Variants in ARHGEF12 observed in about 807,000 individuals in gnomAD.
ARHGEF12 encodes the protein KMT2A/ARHGEF12 fusion protein.
Under a neutral mutation model 211.2 loss-of-function variants are expected in ARHGEF12, and 66 were observed. That is an observed-to-expected ratio of 0.31 (90% CI 0.26 to 0.38). ARHGEF12 has a LOEUF of 0.38. Among genes scored for constraint, ARHGEF12 ranks in the 10% least tolerant of loss-of-function variants. The pLI, the probability that ARHGEF12 is intolerant of heterozygous loss-of-function variation, is 1.00. For synonymous variants in ARHGEF12, 592 were observed against 638.4 expected (o/e 0.93, Z 1.09); for missense variants, 1,429 against 1,869.5 (o/e 0.76, Z 4.34).
intron 1 of ARHGEF12, among the ~76,000 whole-genome samples, chr11:120,383,856 T>C (rs1943950923): frequency 6.6e-6 from 1 of 152,000 alleles, no homozygotes; most frequent in Admixed American, 6.6e-5. Flanking sequence ...AAGATTTTGT[T>C]AGATATGTCA....
At chr11:120,483,676 A>C (rs1374379119) in intron 39 of ARHGEF12, among the ~76,000 whole-genome samples, 1 of 151,584 alleles carries the variant, frequency 6.6e-6, no homozygotes, top group African/African-American at 2.4e-5. Flanking sequence ...GTGCAGTGGC[A>C]TGATCTCTCC....
At chr11:120,480,703 T>C (rs1357796567) in intron 38 of ARHGEF12, among the ~76,000 whole-genome samples, 1 of 149,408 alleles carries the variant, frequency 6.7e-6, no homozygotes, top group African/African-American at 2.4e-5. Flanking sequence ...AGTAAACAAA[T>C]AAATAGACTT....
rs1946801164 is a variant in ARHGEF12 at position 120,469,292 on chromosome 11, G to A, written c.2859G>A (p.Trp953Ter). The A allele has an allele frequency of 6.2e-7, 1 of 1,610,572 alleles. No individual in the cohort carries two copies. The highest frequency in any genetic ancestry group is 1.1e-5 in the South Asian group (1 of 90,454). ...GGATTTCTTTCCCATATTTAGAATG[G>A]CCAACAGAAAGGGAGAAGGTGAAGA... ...LLDNIAKYTE[W>*]PTEREKVKKA... Residue 953 changes from tryptophan to a stop codon, truncating the protein, a stop_gained, in exon 30 of 41, where the codon TGG (tryptophan) becomes TGA (stop). Transcript: ENST00000397843. LOFTEE classifies it high-confidence loss of function.
At chr11:120,478,062 G>GTTT in intron 36 of ARHGEF12, 94 bp from the exon 37 acceptor site, 9 of 661,696 alleles carry the variant, frequency 1.4e-5, no homozygotes, top group South Asian at 6.5e-5. Flanking sequence ...TTTATGGATT[G>GTTT]TTTTTTTTTT....
intron 1 of ARHGEF12, among the ~76,000 whole-genome samples, chr11:120,343,715 G>T (rs1455000246): frequency 6.6e-6 from 1 of 152,164 alleles, no homozygotes; most frequent in Non-Finnish European, 1.5e-5. Flanking sequence ...GTCTTGGACT[G>T]CAAGTAACAA....
chr11:120,452,566 A>C (rs1157580762), intron 22 of ARHGEF12, among the ~76,000 whole-genome samples: 3 of 152,158 alleles, frequency 2.0e-5, no homozygotes, highest in African/African-American at 7.2e-5. Flanking sequence ...TGACGTCACC[A>C]AGTGTGATTT....
chr11:120,477,574 T>C, intron 36 of ARHGEF12, 48 bp downstream of exon 36: 8 of 1,555,912 alleles, frequency 5.1e-6, no homozygotes, highest in Non-Finnish European at 7.0e-6. Context: ...TATTATCTGT[T>C]AAAATGCTGG....
At chr11:120,385,383 A>T (rs1943999687) in intron 1 of ARHGEF12, 1 of 985,206 alleles carries the variant, frequency 1.0e-6, no homozygotes. Context: ...AAAGCTTAGG[A>T]TTGCTAAGGG....
At chr11:120,468,511 C>A (rs1044074628) in intron 29 of ARHGEF12, among the ~76,000 whole-genome samples, 1 of 152,164 alleles carries the variant, frequency 6.6e-6, no homozygotes, top group African/African-American at 2.4e-5. Context: ...TGAAGTGGCA[C>A]AATCTCTGCT....
At chr11:120,364,194 A>G (rs1943358556) in intron 1 of ARHGEF12, among the ~76,000 whole-genome samples, 4 of 152,302 alleles carry the variant, frequency 2.6e-5, no homozygotes, top group Admixed American at 2.6e-4. Context: ...ATGGTGCTGT[A>G]GTATAAGGCC....
chr11:120,477,892 G>A lies in ARHGEF12; in HGVS notation c.3533-264G>A, dbSNP rs11217887. On this transcript the variant is annotated intron_variant, in intron 36 of 40. Coordinates refer to ENST00000397843, the MANE Select transcript of ARHGEF12 (RefSeq NM_015313.3). ...AAAAAAAAGAAAAAAAGAAAAAAAA[G>A]AAAATAAAATAAAATGCAAAGAAAC... Among the ~76,000 whole-genome samples the A allele has an allele frequency of 1.3e-3, 183 of 142,340 alleles. 1 individual carries two copies. Among genetic ancestry groups the A allele is most frequent in the Middle Eastern group, 3.6e-3 (1 of 274 alleles). The allele number at this position is 142,340 out of a possible 152,430, so 93.4% of individuals were successfully genotyped here. A position where few individuals can be genotyped will look rare whatever the true frequency, so the allele number is the denominator to read the frequency against.
chr11:120,407,758 G>A lies in ARHGEF12; in HGVS notation c.77G>A (p.Arg26Gln), dbSNP rs1436675407. ...TTTAGGCATGGAAGTATTTTGAACC[G>A]AGAGTCACCAACAGATAAGAAGCAG... ...KPIRHGSILN[R>Q]ESPTDKKQKV... Residue 26 changes from arginine (R) to glutamine (Q), a missense_variant, in exon 3 of 41, where the codon CGA (arginine) becomes CAA (glutamine). By Grantham distance (43) the Arg-to-Gln change is conservative (BLOSUM62 1). This residue lies in a region of ARHGEF12 where 41 missense variants were observed against 48.6 expected (regional missense o/e 0.84). Transcript: ENST00000397843. 3.7e-6 allele frequency: 6 copies of A among 1,613,230 alleles called. No individual in the cohort carries two copies. Among genetic ancestry groups the A allele is most frequent in the Admixed American group, 1.7e-5 (1 of 59,988 alleles).
rs1454813244 is a variant in ARHGEF12, at chr11:120,475,271, C to A, written c.3110-69C>A. Reference sequence around the variant, plus strand: ...CAGAAATAGAATTCCTCTGTTGAATCATTATAAAGTTAATCAAACGCGTCT... The same window carrying A: ...CAGAAATAGAATTCCTCTGTTGAATAATTATAAAGTTAATCAAACGCGTCT... On this transcript the variant is annotated intron_variant, in intron 32 of 40. Coordinates refer to ENST00000397843, the MANE Select transcript of ARHGEF12 (RefSeq NM_015313.3). 5.1e-5 allele frequency: 71 copies of A among 1,384,716 alleles called. 1 individual carries two copies. The South Asian group carries it at 8.4e-4, about 16-fold the overall frequency. The allele number at this position is 1,384,716 out of a possible 1,614,324, so 85.8% of individuals were successfully genotyped here. A position where few individuals can be genotyped will look rare whatever the true frequency, so the allele number is the denominator to read the frequency against.
chr11:120,394,516 G>T (rs1350776422), intron 1 of ARHGEF12, among the ~76,000 whole-genome samples: 1 of 146,884 alleles, frequency 6.8e-6, no homozygotes, highest in Admixed American at 6.9e-5. Context: ...TAAGCAACTA[G>T]AAAAAGAAGA....
intron 1 of ARHGEF12, among the ~76,000 whole-genome samples, chr11:120,352,988 A>G (rs185128076): frequency 3.3e-5 from 5 of 152,202 alleles, no homozygotes; most frequent in East Asian, 3.8e-4. Flanking sequence ...GGCTCTACCT[A>G]TTGGTTCTAA....
chr11:120,482,612 G>C (rs1390368732), intron 39 of ARHGEF12, among the ~76,000 whole-genome samples: 1 of 152,048 alleles, frequency 6.6e-6, no homozygotes. Context: ...AGGTGTGGTG[G>C]TGGGCGCCTG....
At position 120,485,688 on chromosome 11, in the gene ARHGEF12, A is replaced by G. The variant is rs575958608; in HGVS notation, c.*611A>G. On this transcript the variant is annotated 3_prime_UTR_variant, in exon 41 of 41. Transcript: ENST00000397843. ...CCAGTAGGCTGCTTCTCTGAGGGTC[A>G]CCTCAAAGGTATGCTATGCCGTGTG... The G allele has an allele frequency of 3.4e-5, 8 of 233,820 alleles. No homozygotes were observed. In the South Asian group the frequency reaches 1.3e-3, roughly 37 times the overall value. 14.5% of individuals were successfully genotyped at this position (233,820 alleles called of 1,614,324 possible). A position where few individuals can be genotyped will look rare whatever the true frequency, so the allele number is the denominator to read the frequency against.
At chr11:120,337,704 G>A (rs992927132) in intron 1 of ARHGEF12, 2 of 985,408 alleles carry the variant, frequency 2.0e-6, no homozygotes, top group Non-Finnish European at 2.4e-6. Context: ...TTCTACCTGT[G>A]AACTTAATGT....
At chr11:120,404,268 G>A (rs1298492817) in intron 1 of ARHGEF12, among the ~76,000 whole-genome samples, 1 of 152,022 alleles carries the variant, frequency 6.6e-6, no homozygotes, top group African/African-American at 2.4e-5. Flanking sequence ...CAAAACTATG[G>A]GATTATCTTG....
Sources: allele counts gnomAD v4.1 joint callset (sites outside exome capture counted in the v4.1 genomes callset), GRCh38; gene constraint gnomAD v4.1.1; regional missense constraint gnomAD v4.1.1; transcripts MANE v1.5; gene names NCBI Gene and HGNC (gene_info 2026-07-23, HGNC 2026-07-21).